Variants in MBD3L1 observed in about 807,000 individuals in gnomAD.
MBD3L1 encodes methyl-CpG-binding domain protein 3-like 1.
For missense variants in MBD3L1, 203 were observed against 230.1 expected, an observed-to-expected ratio of 0.88 and a Z score of 0.76; for synonymous variants, 84 against 85.1, an observed-to-expected ratio of 0.99 and a Z score of 0.07.
chr19:8,836,362 T>C (rs1205792151), intron 1 of MBD3L1, among the ~76,000 whole-genome samples: 5 of 151,746 alleles, frequency 3.3e-5, no homozygotes, highest in African/African-American at 1.2e-4. Flanking sequence ...TCCTCCTCCT[T>C]TCTTCCTTCT....
chr19:8,842,559 A>G, intron 2 of MBD3L1, 99 bp from the exon 3 acceptor site: 1 of 824,692 alleles, frequency 1.2e-6, no homozygotes, highest in Non-Finnish European at 1.9e-6. Context: ...CCCCAGAGGG[A>G]GAGAGGAAGG....
intron 1 of MBD3L1, among the ~76,000 whole-genome samples, chr19:8,834,393 A>C (rs959341756): frequency 6.6e-6 from 1 of 151,850 alleles, no homozygotes; most frequent in Non-Finnish European, 1.5e-5. Flanking sequence ...GCAGATCACG[A>C]GGTCAAGATA....
In MBD3L1 at chr19:8,842,946, G is replaced by A; in HGVS notation, c.268G>A (p.Ala90Thr). Residue 90 changes from alanine to threonine, a missense_variant, in exon 3 of 3, where the codon GCC becomes ACC. Physicochemically the swap from Ala to Thr is moderately conservative, Grantham distance 58. Coordinates refer to ENST00000595891, the MANE Select transcript of MBD3L1 (RefSeq NM_001393532.1). ...AGELSSTLDL[A>T]NTLQKLVPSY... Reference sequence around the variant, plus strand: ...AGAACTTTCAAGCACTTTGGATCTTGCCAATACCTTGCAAAAACTTGTCCC... The same window carrying A: ...AGAACTTTCAAGCACTTTGGATCTTACCAATACCTTGCAAAAACTTGTCCC... 1 of 1,614,236 alleles carries A rather than the reference G, an allele frequency of 6.2e-7. No homozygotes were observed. The highest frequency in any genetic ancestry group is 8.5e-7 in the Non-Finnish European group (1 of 1,180,048).
chr19:8,835,196 C>T (rs1599307940), intron 1 of MBD3L1, among the ~76,000 whole-genome samples: 1 of 152,028 alleles, frequency 6.6e-6, no homozygotes, highest in Non-Finnish European at 1.5e-5. Context: ...GGACCACAGG[C>T]GTTCACCACC....
chr19:8,835,154 C>T (rs575915922), intron 1 of MBD3L1, among the ~76,000 whole-genome samples: 4 of 151,834 alleles, frequency 2.6e-5, no homozygotes, highest in African/African-American at 4.8e-5. Flanking sequence ...TGGATTCAAG[C>T]GATTCTCCTG....
At chr19:8,841,731 A>AT (rs1188782586) in intron 2 of MBD3L1, among the ~76,000 whole-genome samples, 3 of 150,028 alleles carry the variant, frequency 2.0e-5, no homozygotes, top group Non-Finnish European at 4.5e-5. Flanking sequence ...TAATTTTTGT[A>AT]TTTTTTGTAG....
In MBD3L1 at chr19:8,842,093, C is replaced by T. The variant is rs190007163; in HGVS notation, c.-21-565C>T. 2.7e-4 allele frequency among the ~76,000 whole-genome samples: 41 copies of T among 151,852 alleles called. No homozygotes were observed. In the East Asian group the frequency reaches 7.6e-3, roughly 28 times the overall value. ...CTGTAATCCCAGCACTTTGGGAGGT[C>T]GAGGGGGGGTGGATCACTTGAGTTC... On this transcript the variant is annotated intron_variant, in intron 2 of 2. Transcript: ENST00000595891.
chr19:8,835,209 G>A (rs1031425144), intron 1 of MBD3L1, among the ~76,000 whole-genome samples: 14 of 151,962 alleles, frequency 9.2e-5, no homozygotes, highest in Admixed American at 6.6e-4. Flanking sequence ...TCACCACCAC[G>A]CCTGGCTAAT....
chr19:8,841,377 C>T (rs1040225996), intron 2 of MBD3L1, among the ~76,000 whole-genome samples: 1 of 151,832 alleles, frequency 6.6e-6, no homozygotes, highest in African/African-American at 2.4e-5. Context: ...TCCAAGAGTG[C>T]TAGGAATCAG....
chr19:8,841,028 A>ATT (rs35087324), intron 2 of MBD3L1, 29 bp downstream of exon 2: 36,987 of 139,842 alleles, frequency 0.26, 5,774 homozygotes, highest in Admixed American at 0.37. Flanking sequence ...ATCTAAATGA[A>ATT]TTTTTTTTTT....
chr19:8,836,433 C>G (rs1472627566), intron 1 of MBD3L1, among the ~76,000 whole-genome samples: 1 of 150,950 alleles, frequency 6.6e-6, no homozygotes, highest in East Asian at 1.9e-4. Context: ...TTCTTTCCTC[C>G]TCCTCCTTCT....
At chr19:8,835,851 G>C (rs1235841571) in intron 1 of MBD3L1, among the ~76,000 whole-genome samples, 1 of 152,128 alleles carries the variant, frequency 6.6e-6, no homozygotes, top group Non-Finnish European at 1.5e-5. Flanking sequence ...CCATTAAACA[G>C]AATACATATT....
intron 1 of MBD3L1, among the ~76,000 whole-genome samples, chr19:8,838,283 A>AAAAAAAAAAAAC (rs2044476287): frequency 6.8e-6 from 1 of 147,486 alleles, no homozygotes. Flanking sequence ...AAAAAAAAAA[A>AAAAAAAAAAAAC]GATCAGCAGC....
intron 1 of MBD3L1, among the ~76,000 whole-genome samples, chr19:8,839,190 T>TC (rs149401536): frequency 2.0e-5 from 2 of 99,616 alleles, no homozygotes; most frequent in African/African-American, 2.9e-5. Context: ...CTTTTCTTTT[T>TC]TTTTTTTTTT....
chr19:8,838,006 T>A, intron 1 of MBD3L1, among the ~76,000 whole-genome samples: 1 of 151,748 alleles, frequency 6.6e-6, no homozygotes, highest in Non-Finnish European at 1.5e-5. Context: ...CCCAGCACTT[T>A]GGGAGGCCGA....
At chr19:8,835,153 G>A (rs1289729909) in intron 1 of MBD3L1, among the ~76,000 whole-genome samples, 1 of 151,684 alleles carries the variant, frequency 6.6e-6, no homozygotes, top group African/African-American at 2.4e-5. Context: ...CTGGATTCAA[G>A]CGATTCTCCT....
intron 1 of MBD3L1, among the ~76,000 whole-genome samples, chr19:8,839,490 G>A (rs553081934): frequency 1.3e-5 from 2 of 152,056 alleles, no homozygotes; most frequent in Admixed American, 6.6e-5. Context: ...GTGAGCCACC[G>A]TGCCTGGCCA....
Position 8,843,031 on chromosome 19 carries a change from C to T in MBD3L1, c.353C>T (p.Pro118Leu), listed in dbSNP as rs1325886842. 6.2e-7 allele frequency: 1 copy of T among 1,614,146 alleles called. No individual in the cohort carries two copies. The highest frequency in any genetic ancestry group is 8.5e-7 in the Non-Finnish European group (1 of 1,179,990). The change falls in exon 3 of 3, where the codon CCC becomes CTC. Residue 118 changes from proline (P) to leucine (L), a missense_variant. Physicochemically the swap from Pro to Leu is moderately conservative, Grantham distance 98 (BLOSUM62 -3). Coordinates refer to ENST00000595891, the MANE Select transcript of MBD3L1 (RefSeq NM_001393532.1). ...DLASGLEHSC[P>L]MPHLACSSDA... is the part of the protein sequence containing the mutation. ...GCCAGTGGTCTGGAGCACTCCTGCC[C>T]CATGCCCCACCTTGCCTGCTCTTCA...
intron 1 of MBD3L1, among the ~76,000 whole-genome samples, chr19:8,837,518 C>T (rs1409147246): frequency 6.6e-5 from 10 of 152,156 alleles, no homozygotes; most frequent in Non-Finnish European, 1.2e-4. Context: ...CAGGGCTCGA[C>T]AACCACTTAA....
Sources: allele counts gnomAD v4.1 joint callset (sites outside exome capture counted in the v4.1 genomes callset), GRCh38; gene constraint gnomAD v4.1.1; transcripts MANE v1.5; gene names NCBI Gene and HGNC (gene_info 2026-07-23, HGNC 2026-07-21).